The following EPHA3 variants were observed in gnomAD, a reference collection of about 807,000 sequenced individuals.
The protein encoded by EPHA3 is EPH receptor A3.
EPHA3 carries 42 observed loss-of-function variants against 107.1 expected under a neutral mutation model. That is an observed-to-expected ratio of 0.39 (90% confidence interval 0.31 to 0.51). The LOEUF (loss-of-function observed/expected upper bound fraction) is 0.51, where lower values mean the gene tolerates loss of function less well. Among genes scored for constraint, EPHA3 ranks in the 20% least tolerant of loss-of-function variants. EPHA3 has a pLI of 0.78. For synonymous variants in EPHA3, 461 were observed against 424.8 expected (o/e 1.09, Z -1.05); for missense variants, 1,183 against 1,211.2 (o/e 0.98, Z 0.35).
At chr3:89,357,474 C>CTTT (rs1235680520) in intron 5 of EPHA3, among the ~76,000 whole-genome samples, 1 of 150,932 alleles carries the variant, frequency 6.6e-6, no homozygotes, top group Non-Finnish European at 1.5e-5. Context: ...TGCATCTTTA[C>CTTT]TTTTATTTGT....
At chr3:89,351,274 G>A (rs1480611222) in intron 5 of EPHA3, among the ~76,000 whole-genome samples, 9 of 150,966 alleles carry the variant, frequency 6.0e-5, no homozygotes, top group South Asian at 2.1e-4. Context: ...GCGAGATTCC[G>A]TGGGCGTAGG....
At chr3:89,379,699 G>A (rs541691092) in intron 5 of EPHA3, among the ~76,000 whole-genome samples, 1 of 152,212 alleles carries the variant, frequency 6.6e-6, no homozygotes, top group Admixed American at 6.5e-5. Context: ...TGGAACTAGG[G>A]CTTCTCAGAA....
chr3:89,140,574 C>A (rs1247350908), intron 2 of EPHA3, among the ~76,000 whole-genome samples: 1 of 151,574 alleles, frequency 6.6e-6, no homozygotes, highest in Non-Finnish European at 1.5e-5. Flanking sequence ...TTATAACTCC[C>A]AAAAAACCTT....
chr3:89,148,338 T>G (rs1379967264), intron 2 of EPHA3, among the ~76,000 whole-genome samples: 1 of 151,956 alleles, frequency 6.6e-6, no homozygotes, highest in Admixed American at 6.6e-5. Flanking sequence ...GTTTATGAAT[T>G]TACTGTTTTA....
At chr3:89,413,508 A>G (rs1395704031) in intron 10 of EPHA3, among the ~76,000 whole-genome samples, 1 of 151,766 alleles carries the variant, frequency 6.6e-6, no homozygotes, top group African/African-American at 2.4e-5. Flanking sequence ...GCAACAACTC[A>G]ATCTTCCCAT....
At chr3:89,400,996 T>C (rs916963693) in intron 7 of EPHA3, among the ~76,000 whole-genome samples, 4 of 152,168 alleles carry the variant, frequency 2.6e-5, no homozygotes, top group African/African-American at 9.7e-5. Context: ...TTCCCATTCT[T>C]CCCTGACACC....
intron 5 of EPHA3, among the ~76,000 whole-genome samples, chr3:89,392,551 T>C (rs1467722559): frequency 6.6e-6 from 1 of 152,190 alleles, no homozygotes; most frequent in Non-Finnish European, 1.5e-5. Context: ...TAATTTTGCC[T>C]GTAGCTCTCA....
intron 2 of EPHA3, among the ~76,000 whole-genome samples, chr3:89,191,817 G>A (rs1300563313): frequency 1.3e-5 from 2 of 151,968 alleles, no homozygotes; most frequent in African/African-American, 2.4e-5. Context: ...TCATCAGACC[G>A]GTCCAGAAAT....
At chr3:89,329,903 G>A (rs1300837191) in intron 3 of EPHA3, among the ~76,000 whole-genome samples, 5 of 151,866 alleles carry the variant, frequency 3.3e-5, no homozygotes, top group Non-Finnish European at 7.4e-5. Flanking sequence ...AAACTTTATA[G>A]AGGCAAGTTT....
At chr3:89,143,843 T>A (rs1032458790) in intron 2 of EPHA3, among the ~76,000 whole-genome samples, 1 of 151,652 alleles carries the variant, frequency 6.6e-6, no homozygotes, top group Non-Finnish European at 1.5e-5. Context: ...GGAATTTTTT[T>A]CTTTTCTATT....
At chr3:89,227,529 A>T (rs1704529755) in intron 3 of EPHA3, among the ~76,000 whole-genome samples, 1 of 152,038 alleles carries the variant, frequency 6.6e-6, no homozygotes. Context: ...TGTTTAACAC[A>T]TTATGGAAAA....
chr3:89,481,340 T>C lies in EPHA3; in HGVS notation c.*1838T>C, dbSNP rs1710617999. 7 of 232,038 alleles carry C rather than the reference T, an allele frequency of 3.0e-5. No individual in the cohort carries two copies. The allele number at this position is 232,038 out of a possible 1,614,324, so 14.4% of individuals were successfully genotyped here. A position where few individuals can be genotyped will look rare whatever the true frequency, so the allele number is the denominator to read the frequency against. ...CTACTAGAATTCTGTATTGGATATA[T>C]AAGAGCATGAAATTTTTAAAAATAC... On this transcript the variant is annotated 3_prime_UTR_variant, in exon 17 of 17. Coordinates refer to ENST00000336596, the MANE Select transcript of EPHA3 (RefSeq NM_005233.6).
chr3:89,206,856 C>A (rs1031752251), intron 2 of EPHA3, among the ~76,000 whole-genome samples: 36 of 151,906 alleles, frequency 2.4e-4, no homozygotes, highest in East Asian at 5.8e-4. Context: ...TATTTTCTTT[C>A]CTTAAACTGA....
intron 5 of EPHA3, among the ~76,000 whole-genome samples, chr3:89,370,699 CA>C (rs1559668819): frequency 6.7e-6 from 1 of 149,672 alleles, no homozygotes; most frequent in African/African-American, 2.5e-5. Flanking sequence ...TGTATATAGA[CA>C]AAAAAATAAA....
intron 3 of EPHA3, among the ~76,000 whole-genome samples, chr3:89,262,986 TTTTTA>T (rs1289966233): frequency 5.7e-4 from 76 of 134,504 alleles, no homozygotes; most frequent in Non-Finnish European, 1.0e-3. Flanking sequence ...TTTTTTTTTT[TTTTTA>T]ATTATACTTT....
chr3:89,207,643 T>C (rs535361934), intron 2 of EPHA3, among the ~76,000 whole-genome samples: 1 of 152,328 alleles, frequency 6.6e-6, no homozygotes, highest in East Asian at 1.9e-4. Context: ...GTGTTTAATG[T>C]CTATTGTTCT....
At chr3:89,111,288 G>A (rs1707099574) in intron 1 of EPHA3, among the ~76,000 whole-genome samples, 1 of 151,758 alleles carries the variant, frequency 6.6e-6, no homozygotes, top group African/African-American at 2.4e-5. Context: ...ACAATAAATT[G>A]GCATCACTTT....
At chr3:89,116,857 T>C (rs1707270113) in intron 1 of EPHA3, among the ~76,000 whole-genome samples, 1 of 152,144 alleles carries the variant, frequency 6.6e-6, no homozygotes. Flanking sequence ...AGAGAATTCA[T>C]GTCAATTACT....
At chr3:89,254,540 T>G (rs532837290) in intron 3 of EPHA3, among the ~76,000 whole-genome samples, 17 of 152,168 alleles carry the variant, frequency 1.1e-4, no homozygotes, top group Non-Finnish European at 2.2e-4. Flanking sequence ...CATTAAAAAA[T>G]CCAACCACTT....
Sources: allele counts gnomAD v4.1 joint callset (sites outside exome capture counted in the v4.1 genomes callset), GRCh38; gene constraint gnomAD v4.1.1; transcripts MANE v1.5; gene names NCBI Gene and HGNC (gene_info 2026-07-23, HGNC 2026-07-21).